The following NCOA2 variants were observed in gnomAD, a reference collection of about 807,000 sequenced individuals.
NCOA2 encodes class E basic helix-loop-helix protein 75.
Under a neutral mutation model 145.1 loss-of-function variants are expected in NCOA2, and 21 were observed. The observed-to-expected ratio is 0.14, with a 90% CI of 0.10 to 0.21. The LOEUF is 0.21. NCOA2 is among the 10% of genes least tolerant of loss of function. NCOA2 has a pLI of 1.00. For missense variants in NCOA2, 1,472 were observed against 1,837.6 expected (o/e 0.80, Z 3.64); for synonymous variants, 619 against 637.5 (o/e 0.97, Z 0.44).
chr8:70,439,843 G>C, the NCOA2 span, among the ~76,000 whole-genome samples: 2 of 152,192 alleles, frequency 1.3e-5, no homozygotes, highest in African/African-American at 2.4e-5. Context: ...GCCCCTGTCA[G>C]AGGGCCTGCC....
intron 1 of NCOA2, among the ~76,000 whole-genome samples, chr8:70,330,069 T>C (rs1360700563): frequency 6.6e-6 from 1 of 152,156 alleles, no homozygotes; most frequent in Non-Finnish European, 1.5e-5. Flanking sequence ...TCATATTCCA[T>C]CTTACCACTT....
chr8:70,289,340 G>C (rs1490476592), intron 2 of NCOA2, among the ~76,000 whole-genome samples: 1 of 152,160 alleles, frequency 6.6e-6, no homozygotes, highest in African/African-American at 2.4e-5. Context: ...TTATGACACA[G>C]CTGTTTCTTT....
At chr8:70,143,270 C>T (rs1258345311) in intron 13 of NCOA2, among the ~76,000 whole-genome samples, 1 of 151,844 alleles carries the variant, frequency 6.6e-6, no homozygotes, top group African/African-American at 2.4e-5. Flanking sequence ...TTTTAAACAG[C>T]GTGAGAGTAT....
intron 4 of NCOA2, among the ~76,000 whole-genome samples, chr8:70,183,060 G>A (rs1225463132): frequency 6.6e-6 from 1 of 152,062 alleles, no homozygotes; most frequent in East Asian, 1.9e-4. Context: ...GAGAGGTGAA[G>A]GCAAAATAAA....
rs186374851 is a variant in NCOA2 at position 70,266,914 on chromosome 8, C to T, written c.-20+29830G>A. On this transcript the variant is annotated intron_variant, in intron 2 of 22. Transcript: ENST00000452400. ...ATGTGCTTCTTAAAGACAAGGAGTTCATTTATTCCACAGGGCAATAACGTA... is the reference window on the plus strand; with the variant it reads ...ATGTGCTTCTTAAAGACAAGGAGTTTATTTATTCCACAGGGCAATAACGTA... Among the ~76,000 whole-genome samples the T allele has an allele frequency of 3.3e-5, 5 of 152,304 alleles. No individual in the cohort carries two copies. In the East Asian group the frequency reaches 7.7e-4, roughly 23 times the overall value.
upstream of NCOA2, among the ~76,000 whole-genome samples, chr8:70,407,174 G>T (rs1209014010): frequency 1.3e-5 from 2 of 152,156 alleles, no homozygotes; most frequent in Non-Finnish European, 2.9e-5. Context: ...ATAGGGTGGG[G>T]GCGTCAGTTA....
the NCOA2 span, among the ~76,000 whole-genome samples, chr8:70,440,844 G>T: frequency 1.3e-5 from 2 of 150,910 alleles, no homozygotes; most frequent in African/African-American, 4.9e-5. Flanking sequence ...AGAGGAAAGA[G>T]AGAAAGAAAG....
intron 22 of NCOA2, among the ~76,000 whole-genome samples, chr8:70,119,411 A>G (rs1563474860): frequency 1.3e-5 from 2 of 152,222 alleles, no homozygotes; most frequent in Non-Finnish European, 2.9e-5. Flanking sequence ...ATGGCTAAAT[A>G]GTATTCTACT....
At chr8:70,137,182 G>A (rs1418284884) in intron 15 of NCOA2, among the ~76,000 whole-genome samples, 1 of 152,200 alleles carries the variant, frequency 6.6e-6, no homozygotes, top group Admixed American at 6.5e-5. Context: ...TGGGATTACA[G>A]GCATGCGCCA....
chr8:70,389,982 T>C (rs73288566), intron 1 of NCOA2, among the ~76,000 whole-genome samples: 5,582 of 152,226 alleles, frequency 0.037, 362 homozygotes, highest in African/African-American at 0.13. Context: ...GGAAAATGTT[T>C]ACAAAAAATA....
intron 2 of NCOA2, among the ~76,000 whole-genome samples, chr8:70,278,392 A>G (rs945030268): frequency 2.0e-5 from 3 of 152,186 alleles, no homozygotes; most frequent in East Asian, 1.9e-4. Context: ...CGTTCCATCA[A>G]TATAGAAAGT....
chr8:70,269,763 C>A (rs1824898672), intron 2 of NCOA2, among the ~76,000 whole-genome samples: 1 of 152,144 alleles, frequency 6.6e-6, no homozygotes, highest in South Asian at 2.1e-4. Context: ...GCAAGTCAAC[C>A]TAAATTCATC....
chr8:70,247,156 C>T (rs903870034), intron 2 of NCOA2, among the ~76,000 whole-genome samples: 6 of 152,096 alleles, frequency 3.9e-5, no homozygotes, highest in Non-Finnish European at 8.8e-5. Flanking sequence ...CTGAAGGGAA[C>T]CATGGCCACT....
chr8:70,344,565 T>C (rs1273511124), intron 1 of NCOA2, among the ~76,000 whole-genome samples: 2 of 152,158 alleles, frequency 1.3e-5, no homozygotes, highest in African/African-American at 4.8e-5. Flanking sequence ...AGCGGCAGTA[T>C]TAAATGGGCC....
upstream of NCOA2, among the ~76,000 whole-genome samples, chr8:70,407,570 C>A (rs1368815704): frequency 6.6e-6 from 1 of 151,124 alleles, no homozygotes; most frequent in Admixed American, 6.6e-5. Flanking sequence ...AGGCAGATCA[C>A]GAGGTTAAGA....
Position 70,224,648 on chromosome 8 carries a change from G to A in NCOA2, c.-19-7884C>T, listed in dbSNP as rs549997467. Among the ~76,000 whole-genome samples the A allele has an allele frequency of 1.9e-3, 287 of 152,168 alleles. 1 individual carries two copies. The highest frequency in any genetic ancestry group is 3.3e-3 in the Non-Finnish European group (226 of 68,002). On this transcript the variant is annotated intron_variant, in intron 2 of 22. Coordinates refer to ENST00000452400, the MANE Select transcript of NCOA2 (RefSeq NM_006540.4). ...GATTTTTTCCCAGTCTATTAGACAT[G>A]TGTTATGTGTCCTATACACCCATTT...
chr8:70,324,212 A>T (rs1177307934), intron 1 of NCOA2, among the ~76,000 whole-genome samples: 1 of 152,218 alleles, frequency 6.6e-6, no homozygotes, highest in Admixed American at 6.5e-5. Flanking sequence ...AAGTATATGG[A>T]GACATCTTGT....
chr8:70,204,414 A>T (rs1276785121), intron 4 of NCOA2, among the ~76,000 whole-genome samples: 3 of 152,228 alleles, frequency 2.0e-5, no homozygotes, highest in African/African-American at 7.2e-5. Flanking sequence ...GAGAGTTAAC[A>T]GTTCACCACC....
At chr8:70,423,706 C>T in the NCOA2 span, among the ~76,000 whole-genome samples, 1 of 152,324 alleles carries the variant, frequency 6.6e-6, no homozygotes, top group South Asian at 2.1e-4. Flanking sequence ...GTGAGGGAAT[C>T]ACTATCCCAC....
Sources: allele counts gnomAD v4.1 joint callset (sites outside exome capture counted in the v4.1 genomes callset), GRCh38; gene constraint gnomAD v4.1.1; transcripts MANE v1.5; gene names NCBI Gene and HGNC (gene_info 2026-07-23, HGNC 2026-07-21).